Variants in PLEC observed in about 807,000 individuals in gnomAD.
PLEC encodes the protein hemidesmosomal protein 1.
In PLEC, 216 loss-of-function variants were observed where a neutral mutation model predicts 392.8. That is an observed-to-expected ratio of 0.55 (90% confidence interval 0.49 to 0.62). The LOEUF is 0.62. Among genes scored for constraint, PLEC ranks in the 20% least tolerant of loss-of-function variants. The probability of loss-of-function intolerance (pLI) is 0.00; values close to 1 mark genes in which losing one functional copy is unlikely to be tolerated. For missense variants in PLEC, 6,863 were observed against 6,563.4 expected, an observed-to-expected ratio of 1.05 and a Z score of -1.58; for synonymous variants, 3,621 against 2,980.6, an observed-to-expected ratio of 1.21 and a Z score of -7.00.
rs1554700956 is a variant in PLEC, at chr8:143,925,156, C to G, written c.4773G>C (p.Gln1591His). The G allele has an allele frequency of 6.4e-7, 1 of 1,559,364 alleles. No individual in the cohort carries two copies. Among genetic ancestry groups the G allele is most frequent in the East Asian group, 2.4e-5 (1 of 42,206 alleles). The change falls in exon 31 of 32, where the codon CAG becomes CAC. Residue 1591 changes from glutamine (Q) to histidine (H), a missense_variant. Physicochemically the swap from Gln to His is conservative, Grantham distance 24. Transcript: ENST00000345136. ...GTTCCTCCTGCAGGGAGCGCTCCAG[C>G]TGTGCCGTCTTCTCGGCGAAGGAGG... ...KRASFAEKTA[Q>H]LERSLQEEHV...
At chr8:143,972,351 C>A (rs1554744569) in intron 1 of PLEC, among the ~76,000 whole-genome samples, 1 of 151,832 alleles carries the variant, frequency 6.6e-6, no homozygotes, top group African/African-American at 2.4e-5. Flanking sequence ...GTCACACAGG[C>A]AAAGCGGCTG....
At position 143,927,155 on chromosome 8, in the gene PLEC, T is replaced by C. The variant is rs1825505344; in HGVS notation, c.3841-74A>G. On this transcript the variant is annotated intron_variant, in intron 28 of 31. Coordinates refer to ENST00000345136, the MANE Select transcript of PLEC (RefSeq NM_201384.3). ...CCTGCCCAGCCCCTAAACCCTCACA[T>C]GGGCTTTCCCTGGCATGGCCCAGGC... 30 of 1,563,490 alleles carry C rather than the reference T, an allele frequency of 1.9e-5. No homozygotes were observed. The South Asian group carries it at 3.2e-4, about 17-fold the overall frequency.
rs1380696627 is a variant in PLEC at position 143,918,552 on chromosome 8, G to C, written c.11269C>G (p.Leu3757Val). Residue 3757 changes from leucine to valine, a missense_variant, in exon 32 of 32, where the codon CTG (leucine) becomes GTG (valine). By Grantham distance (32) the Leu-to-Val change is conservative. Transcript: ENST00000345136. ...TCAGCCGAGAGCAGGCGGTCGTGCA[G>C]CTCGGGCCCCACGAGGCCCTTCCGC... Reference protein sequence around the residue: ...AVRKGLVGPELHDRLLSAERA... With the variant: ...AVRKGLVGPEVHDRLLSAERA... The C allele has an allele frequency of 1.9e-6, 3 of 1,610,598 alleles. No individual in the cohort carries two copies. The highest frequency in any genetic ancestry group is 8.5e-7 in the Non-Finnish European group (1 of 1,179,486).
intron 19 of PLEC, 81 bp from the exon 20 acceptor site, chr8:143,930,617 G>A (rs2131803092): frequency 4.2e-6 from 6 of 1,427,504 alleles, no homozygotes; most frequent in Non-Finnish European, 3.8e-6. Context: ...CCCGGGACCA[G>A]GCCTGTGGGG....
rs572752368 is a variant in PLEC at position 143,966,232 on chromosome 8, C to T, written c.70+7171G>A. On this transcript the variant is annotated intron_variant, in intron 1 of 31. Transcript: ENST00000356346. The stretch of plus-strand genomic sequence containing the variant: ...CAGGCCCCCATGGCTGCACAGCTGC[C>T]CACTGCTCTGCTTCCCGGCTGCCTC... 8.5e-5 allele frequency among the ~76,000 whole-genome samples: 13 copies of T among 152,310 alleles called. No individual in the cohort carries two copies. The South Asian group carries it at 2.5e-3, about 29-fold the overall frequency.
chr8:143,941,410 G>C (rs2132418298), upstream of PLEC, among the ~76,000 whole-genome samples: 1 of 152,174 alleles, frequency 6.6e-6, no homozygotes, highest in African/African-American at 2.4e-5. Flanking sequence ...ATGCCGCCCT[G>C]GGCCGGGCCA....
Position 143,927,462 on chromosome 8 carries a change from G to A in PLEC, c.3704C>T (p.Ala1235Val). The change falls in exon 27 of 32, where the codon GCC becomes GTC. Residue 1235 changes from alanine to valine, a missense_variant. By Grantham distance (64) the Ala-to-Val change is moderately conservative. Transcript: ENST00000345136. ...DARRRQEQIQ[A>V]MPLADSQAVR... ...AGCCTGGCTGTCGGCCAGCGGCATG[G>A]CCTGGATCTGCTCCTGCCGCCGCCT... The A allele has an allele frequency of 3.1e-6, 5 of 1,597,940 alleles. No individual in the cohort carries two copies.
In PLEC at chr8:143,921,991, C is replaced by A. The variant is rs376112916; in HGVS notation, c.7830G>T (p.Ala2610=). Residue 2610 remains alanine, a synonymous_variant, in exon 32 of 32, where the codon GCG becomes GCT. Coordinates refer to ENST00000345136, the MANE Select transcript of PLEC (RefSeq NM_201384.3). Reference sequence around the variant, plus strand: ...GCGAGGCAGTGACCTCCTCTGAGTGCGCCAGCGCGGCCCGGTGCTGCTCCT... The same window carrying A: ...GCGAGGCAGTGACCTCCTCTGAGTGAGCCAGCGCGGCCCGGTGCTGCTCCT... The part of the protein sequence containing the change: ...LLEEQHRAAL[A]HSEEVTASQV... The A allele has an allele frequency of 2.2e-5, 35 of 1,598,378 alleles. No individual in the cohort carries two copies. The highest frequency in any genetic ancestry group is 2.7e-5 in the Non-Finnish European group (32 of 1,179,690).
In PLEC at chr8:143,923,992, C is replaced by G; in HGVS notation, c.5937G>C (p.Glu1979Asp). The change falls in exon 31 of 32, where the codon GAG (glutamate) becomes GAC (aspartate). Residue 1979 changes from glutamate (E) to aspartate (D), a missense_variant. By Grantham distance (45) the Glu-to-Asp change is conservative. Transcript: ENST00000345136. ...CCTCAGCCTCACGGCGCCGCCGCTC[C>G]TCCTCCGCCGCCAGCTGCCGCTGCC... is the stretch of plus-strand genomic sequence containing the variant. ...AARQRQLAAE[E>D]ERRRREAEER... 6.3e-7 allele frequency: 1 copy of G among 1,585,722 alleles called. No individual in the cohort carries two copies. Among genetic ancestry groups the G allele is most frequent in the Non-Finnish European group, 8.5e-7 (1 of 1,171,812 alleles).
Position 143,932,174 on chromosome 8 carries a change from C to T in PLEC, c.2038G>A (p.Asp680Asn). The T allele has an allele frequency of 6.2e-7, 1 of 1,612,266 alleles. No homozygotes were observed. The highest frequency in any genetic ancestry group is 8.5e-7 in the Non-Finnish European group (1 of 1,179,868). ...GGGTGGTCCTCCCGCAGCAGCCGGT[C>T]CCCAGCATTTTGGAGCTCCTTGATC... ...KKIKELQNAG[D>N]RLLREDHPAR... The change falls in exon 17 of 32, where the codon GAC (aspartate) becomes AAC (asparagine). Residue 680 changes from aspartate to asparagine, a missense_variant. Coordinates refer to ENST00000345136, the MANE Select transcript of PLEC (RefSeq NM_201384.3).
upstream of PLEC, among the ~76,000 whole-genome samples, chr8:143,955,016 C>G (rs1024171820): frequency 9.2e-5 from 14 of 152,198 alleles, no homozygotes; most frequent in Non-Finnish European, 7.3e-5. Flanking sequence ...AGCTAACAGG[C>G]AAAGGGCCAG....
exon 1 of PLEC, chr8:143,950,818 G>A: frequency 1.3e-6 from 2 of 1,500,404 alleles, no homozygotes; most frequent in Non-Finnish European, 1.8e-6. Flanking sequence ...ACAGCGGGCA[G>A]CGGCAGGGCA....
intron 1 of PLEC, among the ~76,000 whole-genome samples, chr8:143,966,467 C>G (rs1340501672): frequency 5.9e-5 from 9 of 152,362 alleles, no homozygotes; most frequent in African/African-American, 2.2e-4. Context: ...CTGCCGCAGG[C>G]ACATCCTCTC....
intron 1 of PLEC, chr8:143,944,897 G>A (rs1375518862): frequency 1.2e-5 from 2 of 166,050 alleles, no homozygotes; most frequent in Non-Finnish European, 2.5e-5. Flanking sequence ...CTTGGAACAT[G>A]ACGCACGGCG....
chr8:143,921,226 C>A lies in PLEC; in HGVS notation c.8595G>T (p.Leu2865=). ...DPNTHENLTY[L]QLLERCVEDP... ...CCTCCACGCAGCGCTCCAGTAGCTG[C>A]AGGTACGTGAGGTTCTCGTGCGTGT... Residue 2865 remains leucine (L), a synonymous_variant, in exon 32 of 32, where the codon CTG becomes CTT. Transcript: ENST00000345136. 6.2e-7 allele frequency: 1 copy of A among 1,614,126 alleles called. No individual in the cohort carries two copies. The highest frequency in any genetic ancestry group is 1.1e-5 in the South Asian group (1 of 91,090).
chr8:143,939,233 C>T, intron 1 of PLEC, 117 bp downstream of exon 1: 1 of 1,382,848 alleles, frequency 7.2e-7, no homozygotes, highest in Non-Finnish European at 1.0e-6. Flanking sequence ...GCCCCCGACC[C>T]CCATCTCCAA....
At position 143,933,983 on chromosome 8, in the gene PLEC, C is replaced by T. The variant is rs782561942; in HGVS notation, c.1263+15G>A. The stretch of plus-strand genomic sequence containing the variant: ...GGCCTCCCTCCCGCCCACTGCCTGC[C>T]CCACACCCCCTCACCGACTGCAGCA... On this transcript the variant is annotated intron_variant, in intron 12 of 31. Transcript: ENST00000345136. 1.1e-5 allele frequency: 17 copies of T among 1,604,074 alleles called. No homozygotes were observed. In the East Asian group the frequency reaches 3.8e-4, roughly 36 times the overall value.
intron 1 of PLEC, chr8:143,946,412 C>A: frequency 7.8e-7 from 1 of 1,287,124 alleles, no homozygotes. Flanking sequence ...ACAGGCCAGG[C>A]TGCTCCGAGA....
Position 143,930,154 on chromosome 8 carries a change from C to T in PLEC, c.2602G>A (p.Ala868Thr), listed in dbSNP as rs1473988913. Reference sequence around the variant, plus strand: ...GCCCCCGCCACCCACCTGGTGACGGCCTCCTGGGCCTCCTGGTTGGGCGGG... The same window carrying T: ...GCCCCCGCCACCCACCTGGTGACGGTCTCCTGGGCCTCCTGGTTGGGCGGG... ...VPPPNQEAQEAVTRLEAQHQA... is the reference protein window; with the variant it reads ...VPPPNQEAQETVTRLEAQHQA... The change falls in exon 21 of 32, where the codon GCC becomes ACC. Residue 868 changes from alanine (A) to threonine (T), a missense_variant. Physicochemically the swap from Ala to Thr is moderately conservative, Grantham distance 58. Coordinates refer to ENST00000345136, the MANE Select transcript of PLEC (RefSeq NM_201384.3). 1.3e-6 allele frequency: 2 copies of T among 1,581,152 alleles called. No individual in the cohort carries two copies. Among genetic ancestry groups the T allele is most frequent in the African/African-American group, 2.7e-5 (2 of 74,514 alleles).
Sources: allele counts gnomAD v4.1 joint callset (sites outside exome capture counted in the v4.1 genomes callset), GRCh38; gene constraint gnomAD v4.1.1; transcripts MANE v1.5; gene names NCBI Gene and HGNC (gene_info 2026-07-23, HGNC 2026-07-21).